The following SPTLC3 variants were observed in gnomAD, a reference collection of about 807,000 sequenced individuals.
SPTLC3 encodes serine palmitoyltransferase 3.
Under a neutral mutation model 59.3 loss-of-function variants are expected in SPTLC3, and 36 were observed. That is an observed-to-expected ratio of 0.61 (90% confidence interval 0.47 to 0.80). The LOEUF (loss-of-function observed/expected upper bound fraction) is 0.80. SPTLC3 is among the 30% of genes least tolerant of loss of function. The probability of loss-of-function intolerance (pLI) is 0.00; values close to 1 mark genes in which losing one functional copy is unlikely to be tolerated. For synonymous variants in SPTLC3, 257 were observed against 240.8 expected (o/e 1.07, Z -0.62); for missense variants, 625 against 685.1 (o/e 0.91, Z 0.98).
chr20:13,039,018 C>A lies in SPTLC3; in HGVS notation c.118-9927C>A, dbSNP rs561686584. On this transcript the variant is annotated intron_variant, in intron 1 of 11. Transcript: ENST00000399002. ...AGAACATACTTTGCATAATTTCAAG[C>A]TTTTTACATTTATTGAGGCTTATTT... Among the ~76,000 whole-genome samples the A allele has an allele frequency of 2.9e-3, 441 of 152,070 alleles. 4 individuals carry two copies. The highest frequency in any genetic ancestry group is 0.01 in the African/African-American group (425 of 41,528).
At chr20:13,055,564 G>T (rs553331980) in intron 2 of SPTLC3, among the ~76,000 whole-genome samples, 1 of 152,146 alleles carries the variant, frequency 6.6e-6, no homozygotes, top group South Asian at 2.1e-4. Context: ...TTCTTGGAAG[G>T]CTTAGGCTTC....
At chr20:13,091,378 T>C (rs1989212269) in intron 5 of SPTLC3, among the ~76,000 whole-genome samples, 171 bp downstream of exon 5, 1 of 151,862 alleles carries the variant, frequency 6.6e-6, no homozygotes, top group African/African-American at 2.4e-5. Context: ...ACCTAGATCA[T>C]CCTGGCCAAC....
chr20:13,159,861 TTCAA>T, intron 10 of SPTLC3, 138 bp from the exon 11 acceptor site: 2 of 1,172,724 alleles, frequency 1.7e-6, no homozygotes, highest in Non-Finnish European at 2.3e-6. Flanking sequence ...GTTTAAAAAC[TTCAA>T]TCATCTTCCA....
intron 1 of SPTLC3, among the ~76,000 whole-genome samples, chr20:13,031,656 G>A (rs1986460584): frequency 6.6e-6 from 1 of 152,056 alleles, no homozygotes; most frequent in Non-Finnish European, 1.5e-5. Flanking sequence ...CATGAGGCTG[G>A]GTGCTGTAAG....
chr20:13,116,266 A>C (rs1401522157), intron 7 of SPTLC3, among the ~76,000 whole-genome samples: 1 of 152,226 alleles, frequency 6.6e-6, no homozygotes, highest in Non-Finnish European at 1.5e-5. Flanking sequence ...GGGAAAAAGG[A>C]GACGTTCAAC....
chr20:13,051,822 C>A (rs184700332), intron 2 of SPTLC3, among the ~76,000 whole-genome samples: 167 of 152,234 alleles, frequency 1.1e-3, no homozygotes, highest in African/African-American at 3.8e-3. Flanking sequence ...AATTAAATAA[C>A]CTGCTCCTGA....
intron 1 of SPTLC3, among the ~76,000 whole-genome samples, chr20:13,029,336 G>A (rs777709950): frequency 2.0e-5 from 3 of 152,170 alleles, no homozygotes; most frequent in Non-Finnish European, 4.4e-5. Context: ...CTTTTGTTAA[G>A]TATAATGTCA....
rs527363314 is a variant in SPTLC3 at position 13,065,363 on chromosome 20, CT to C, written c.304-6888del. ...TTGGTGAATTTTTCCTTTTATTATG[CT>C]TTTTACCTTATATTCTAGTTTACCT... On this transcript the variant is annotated intron_variant, in intron 2 of 11. Transcript: ENST00000399002. Among the ~76,000 whole-genome samples, 415 of 146,370 alleles carry C rather than the reference CT, an allele frequency of 2.8e-3. 3 individuals carry two copies. The highest frequency in any genetic ancestry group is 9.9e-3 in the African/African-American group (391 of 39,554).
chr20:13,165,749 G>T lies in SPTLC3; in HGVS notation c.*882G>T, dbSNP rs1430269918. ...TCCTATTGAATTTTGAGTAAATGGT[G>T]AAATTCAGTGTCCTTTAGAATCGAC... On this transcript the variant is annotated 3_prime_UTR_variant, in exon 12 of 12. Transcript: ENST00000399002. 6.6e-6 allele frequency: 1 copy of T among 152,170 alleles called. No homozygotes were observed. The allele number at this position is 152,170 out of a possible 1,614,324, so 9.4% of individuals were successfully genotyped here.
chr20:13,071,703 G>A (rs1024207613), intron 2 of SPTLC3, among the ~76,000 whole-genome samples: 1 of 152,094 alleles, frequency 6.6e-6, no homozygotes, highest in Non-Finnish European at 1.5e-5. Context: ...TTTGGTCATG[G>A]ATTACACTTT....
chr20:13,023,190 C>G (rs1238252252), intron 1 of SPTLC3, among the ~76,000 whole-genome samples: 1 of 151,936 alleles, frequency 6.6e-6, no homozygotes, highest in African/African-American at 2.4e-5. Context: ...TCTAAAATTG[C>G]AACCCACCCC....
chr20:13,157,467 C>T (rs907254574), intron 10 of SPTLC3, among the ~76,000 whole-genome samples: 1 of 152,058 alleles, frequency 6.6e-6, no homozygotes, highest in Non-Finnish European at 1.5e-5. Context: ...AAGACTCACA[C>T]AGGTTGTAGG....
intron 6 of SPTLC3, among the ~76,000 whole-genome samples, chr20:13,096,856 T>C (rs563000887): frequency 1.3e-5 from 2 of 152,296 alleles, no homozygotes; most frequent in South Asian, 4.1e-4. Flanking sequence ...GTACAGGCTT[T>C]GACCCATGCA....
chr20:13,142,743 G>A (rs1324413602), intron 9 of SPTLC3, among the ~76,000 whole-genome samples: 1 of 152,156 alleles, frequency 6.6e-6, no homozygotes, highest in African/African-American at 2.4e-5. Flanking sequence ...AGCTCACATG[G>A]CTGTGCCAGA....
intron 2 of SPTLC3, among the ~76,000 whole-genome samples, chr20:13,059,511 A>C (rs1208298406): frequency 6.6e-6 from 1 of 152,198 alleles, no homozygotes; most frequent in Non-Finnish European, 1.5e-5. Context: ...CCAGGTGTCT[A>C]TCCCCTTTCA....
At chr20:13,071,600 CT>C (rs1988437855) in intron 2 of SPTLC3, among the ~76,000 whole-genome samples, 1 of 152,080 alleles carries the variant, frequency 6.6e-6, no homozygotes, top group East Asian at 1.9e-4. Context: ...ATGAGCTATA[CT>C]TTTTTTTCTA....
intron 2 of SPTLC3, among the ~76,000 whole-genome samples, chr20:13,070,221 C>T (rs1377086592): frequency 2.6e-5 from 4 of 152,148 alleles, no homozygotes; most frequent in Non-Finnish European, 4.4e-5. Context: ...AAAGAAAATG[C>T]ATTCAAGGTG....
chr20:13,044,882 A>G (rs1344774760), intron 1 of SPTLC3, among the ~76,000 whole-genome samples: 2 of 152,086 alleles, frequency 1.3e-5, no homozygotes, highest in Non-Finnish European at 2.9e-5. Context: ...ACCAGACTCC[A>G]GTTCAACCTC....
intron 4 of SPTLC3, among the ~76,000 whole-genome samples, chr20:13,089,931 ATG>A (rs1368438220): frequency 6.6e-6 from 1 of 152,224 alleles, no homozygotes; most frequent in East Asian, 1.9e-4. Context: ...ATGAAATGTA[ATG>A]CTATCAAAAA....
Sources: gnomAD v4.1 joint callset for allele counts (sites outside exome capture counted in the v4.1 genomes callset) on GRCh38, gnomAD v4.1.1 for gene constraint, MANE v1.5 for transcripts, NCBI Gene and HGNC (gene_info 2026-07-23, HGNC 2026-07-21) for gene names.